Variants in MTHFD2 observed in about 807,000 individuals in gnomAD.
The protein encoded by MTHFD2 is methylenetetrahydrofolate dehydrogenase (NADP+ dependent) 2, methenyltetrahydrofolate cyclohydrolase, also known as bifunctional methylenetetrahydrofolate dehydrogenase/cyclohydrolase, mitochondrial.
MTHFD2 carries 26 observed loss-of-function variants against 36.8 expected under a neutral mutation model. The ratio of observed to expected loss-of-function variants is 0.71; its 90% confidence interval spans 0.52 to 0.98. MTHFD2 has a LOEUF of 0.98. MTHFD2 is among the 50% of genes least tolerant of loss of function. The pLI, the probability that MTHFD2 is intolerant of heterozygous loss-of-function variation, is 0.00. For synonymous variants in MTHFD2, 164 were observed against 155.2 expected (o/e 1.06, Z -0.42); for missense variants, 373 against 434.0 (o/e 0.86, Z 1.25).
chr2:74,211,475 C>A, intron 6 of MTHFD2, 184 bp downstream of exon 6: 1 of 497,578 alleles, frequency 2.0e-6, no homozygotes, highest in Non-Finnish European at 3.5e-6. Flanking sequence ...CCATTATAGT[C>A]TAGATGGGTG....
At chr2:74,198,774 A>G in intron 1 of MTHFD2, 32 bp downstream of exon 1, 2 of 1,568,812 alleles carry the variant, frequency 1.3e-6, no homozygotes, top group Non-Finnish European at 1.7e-6. Flanking sequence ...GTCAGCGCGG[A>G]AAGCTGAGGG....
chr2:74,214,027 C>T (rs1694372629), intron 7 of MTHFD2, 52 bp from the exon 8 acceptor site: 2 of 1,563,250 alleles, frequency 1.3e-6, no homozygotes, highest in African/African-American at 2.7e-5. Context: ...TTAAAGTACA[C>T]ACATGTCCTT....
At chr2:74,213,602 C>G (rs1489144674) in intron 7 of MTHFD2, among the ~76,000 whole-genome samples, 1 of 152,138 alleles carries the variant, frequency 6.6e-6, no homozygotes, top group Non-Finnish European at 1.5e-5. Flanking sequence ...TGCTGATAAT[C>G]CTATTCCTAG....
chr2:74,213,070 A>AT (rs1311510808), intron 7 of MTHFD2, among the ~76,000 whole-genome samples: 2 of 151,740 alleles, frequency 1.3e-5, no homozygotes, highest in South Asian at 2.1e-4. Flanking sequence ...ATGCCGGCTA[A>AT]TTTTTTGTAT....
intron 1 of MTHFD2, among the ~76,000 whole-genome samples, chr2:74,204,906 A>T (rs1315237740): frequency 6.6e-6 from 1 of 151,978 alleles, no homozygotes; most frequent in South Asian, 2.1e-4. Flanking sequence ...GCTCACCGCA[A>T]CCTCTGCCTC....
intron 7 of MTHFD2, 115 bp from the exon 8 acceptor site, chr2:74,213,964 A>T: frequency 8.9e-7 from 1 of 1,121,664 alleles, no homozygotes; most frequent in South Asian, 1.6e-5. Flanking sequence ...GTGATTTTTG[A>T]GTTTTATGCT....
chr2:74,204,423 C>T (rs1287782712), intron 1 of MTHFD2, among the ~76,000 whole-genome samples: 3 of 152,172 alleles, frequency 2.0e-5, no homozygotes, highest in Admixed American at 6.5e-5. Flanking sequence ...TGCTCCCCAC[C>T]TCAGCAACAG....
intron 1 of MTHFD2, among the ~76,000 whole-genome samples, chr2:74,203,841 A>AGTTTAGTTTAGTTTAGTTTAG (rs1553448277): frequency 3.1e-5 from 2 of 63,816 alleles, no homozygotes; most frequent in Non-Finnish European, 5.1e-5. Context: ...AGAGATGCTC[A>AGTTTAGTTTAGTTTAGTTTAG]TCTAGTTTAG....
chr2:74,207,002 A>G (rs896268010), intron 2 of MTHFD2, among the ~76,000 whole-genome samples: 17 of 152,116 alleles, frequency 1.1e-4, no homozygotes, highest in African/African-American at 4.1e-4. Flanking sequence ...TGCTGGGATT[A>G]CAGGCGTGAG....
At position 74,217,409 on chromosome 2, in the gene MTHFD2, C is replaced by T. The variant is rs933612578; in HGVS notation, c.*3167C>T. 2.0e-5 allele frequency: 3 copies of T among 152,000 alleles called. No homozygotes were observed. Among genetic ancestry groups the T allele is most frequent in the African/African-American group, 7.3e-5 (3 of 41,374 alleles). The allele number at this position is 152,000 out of a possible 1,614,324, so 9.4% of individuals were successfully genotyped here. ...TTCATTGAAACTGGTTTTTATCTTCCCAAATAGTTTTCAATCATTCCTTTA... is the reference window on the plus strand; with the variant it reads ...TTCATTGAAACTGGTTTTTATCTTCTCAAATAGTTTTCAATCATTCCTTTA... On this transcript the variant is annotated 3_prime_UTR_variant, in exon 8 of 8. Transcript: ENST00000394053.
At chr2:74,203,904 T>TAGTTTAGTTTAGTTA (rs1694111584) in intron 1 of MTHFD2, among the ~76,000 whole-genome samples, 1 of 20,250 alleles carries the variant, frequency 4.9e-5, no homozygotes, top group Admixed American at 4.8e-4. Flanking sequence ...TAGTTTAGTT[T>TAGTTTAGTTTAGTTA]AGTTAGTTTA....
chr2:74,203,326 T>C (rs1296292160), intron 1 of MTHFD2, among the ~76,000 whole-genome samples: 1 of 152,218 alleles, frequency 6.6e-6, no homozygotes, highest in Non-Finnish European at 1.5e-5. Context: ...AATTTAATAC[T>C]TCACAAGATG....
chr2:74,211,901 C>T (rs371977632), intron 7 of MTHFD2, 35 bp downstream of exon 7: 3 of 1,319,218 alleles, frequency 2.3e-6, no homozygotes, highest in Non-Finnish European at 3.2e-6. Context: ...AAAATGAAAT[C>T]AATAAATACT....
chr2:74,205,939 AG>A (rs754752780), intron 2 of MTHFD2, 50 bp downstream of exon 2: 1 of 1,544,218 alleles, frequency 6.5e-7, no homozygotes, highest in African/African-American at 1.4e-5. Context: ...GGTTTATATG[AG>A]GCAAAGTCCA....
Position 74,215,035 on chromosome 2 carries a change from T to G in MTHFD2, c.*793T>G, listed in dbSNP as rs928510984. ...TTAAATTTTTGTATTGTATAGTTTCTTTGGTGTATCTTAAAACCTATTTTT... is the reference window on the plus strand; with the variant it reads ...TTAAATTTTTGTATTGTATAGTTTCGTTGGTGTATCTTAAAACCTATTTTT... On this transcript the variant is annotated 3_prime_UTR_variant, in exon 8 of 8. Transcript: ENST00000394053. 1 of 152,670 alleles carries G rather than the reference T, an allele frequency of 6.6e-6. No homozygotes were observed. Among genetic ancestry groups the G allele is most frequent in the African/African-American group, 2.4e-5 (1 of 41,464 alleles). The allele number at this position is 152,670 out of a possible 1,614,324, so 9.5% of individuals were successfully genotyped here. A position where few individuals can be genotyped will look rare whatever the true frequency, so the allele number is the denominator to read the frequency against.
Position 74,216,785 on chromosome 2 carries a change from A to G in MTHFD2, c.*2543A>G, listed in dbSNP as rs1029486687. ...CAGCATGCCTAGCTAATTTTTAAAC[A>G]TTTGTTTAGAGATGGGTCTCACTAT... On this transcript the variant is annotated 3_prime_UTR_variant, in exon 8 of 8. Coordinates refer to ENST00000394053, the MANE Select transcript of MTHFD2 (RefSeq NM_006636.4). 1 of 151,948 alleles carries G rather than the reference A, an allele frequency of 6.6e-6. No homozygotes were observed. Among genetic ancestry groups the G allele is most frequent in the Non-Finnish European group, 1.5e-5 (1 of 68,018 alleles). The allele number at this position is 151,948 out of a possible 1,614,324, so 9.4% of individuals were successfully genotyped here.
chr2:74,199,277 A>T (rs1347223110), intron 1 of MTHFD2, among the ~76,000 whole-genome samples: 2 of 151,928 alleles, frequency 1.3e-5, no homozygotes, highest in African/African-American at 4.8e-5. Context: ...CGCCGGTGGG[A>T]GTGGCCCGCG....
In MTHFD2 at chr2:74,205,883, G is replaced by T. The variant is rs764941650; in HGVS notation, c.280G>T (p.Val94Phe). The T allele has an allele frequency of 6.2e-7, 1 of 1,613,414 alleles. No homozygotes were observed. The highest frequency in any genetic ancestry group is 8.5e-7 in the Non-Finnish European group (1 of 1,179,602). The change falls in exon 2 of 8, where the codon GTT becomes TTT. Residue 94 changes from valine to phenylalanine, a missense_variant. Physicochemically the swap from Val to Phe is conservative, Grantham distance 50 (BLOSUM62 -1). Around this residue, in one of 2 missense-constraint regions of MTHFD2, gnomAD observed 308 missense variants for 397.8 expected, o/e 0.77. Transcript: ENST00000394053. ...YVLNKTRAAAVVGINSETIMK... is the reference protein window; with the variant it reads ...YVLNKTRAAAFVGINSETIMK... ...CCTCAACAAAACCAGGGCAGCTGCAGTTGTGGGTATGTGTCCTTCTGAGAC... is the reference window on the plus strand; with the variant it reads ...CCTCAACAAAACCAGGGCAGCTGCATTTGTGGGTATGTGTCCTTCTGAGAC...
chr2:74,214,267 C>T lies in MTHFD2; in HGVS notation c.*25C>T, dbSNP rs770966548. Reference sequence around the variant, plus strand: ...ACTACTGTGTCTTCTGTGTCACAAACAGCACTCCAGGCCAGCTCAAGAAGC... The same window carrying T: ...ACTACTGTGTCTTCTGTGTCACAAATAGCACTCCAGGCCAGCTCAAGAAGC... On this transcript the variant is annotated 3_prime_UTR_variant, in exon 8 of 8. Transcript: ENST00000394053. The T allele has an allele frequency of 6.2e-7, 1 of 1,610,664 alleles. No individual in the cohort carries two copies. The highest frequency in any genetic ancestry group is 1.1e-5 in the South Asian group (1 of 90,604).
Sources: allele counts gnomAD v4.1 joint callset (sites outside exome capture counted in the v4.1 genomes callset), GRCh38; gene constraint gnomAD v4.1.1; regional missense constraint gnomAD v4.1.1; transcripts MANE v1.5; gene names NCBI Gene and HGNC (gene_info 2026-07-23, HGNC 2026-07-21).